RAPGEF5: variants seen among roughly 807,000 people sequenced by gnomAD.
The protein encoded by RAPGEF5 is M-Ras-regulated GEF.
A neutral mutation model predicts 125.2 loss-of-function variants in RAPGEF5; 65 were observed. That is an observed-to-expected ratio of 0.52 (90% confidence interval 0.43 to 0.64). The LOEUF (loss-of-function observed/expected upper bound fraction) is 0.64. Ranked by LOEUF, RAPGEF5 falls within the 30% of genes least tolerant of loss-of-function variation. RAPGEF5 has a pLI of 0.00. For missense variants in RAPGEF5, 958 were observed against 1,048.1 expected (o/e 0.91, Z 1.19); for synonymous variants, 391 against 385.9 (o/e 1.01, Z -0.16).
At chr7:22,292,066 C>T (rs1782948076) in intron 5 of RAPGEF5, among the ~76,000 whole-genome samples, 1 of 152,184 alleles carries the variant, frequency 6.6e-6, no homozygotes, top group African/African-American at 2.4e-5. Context: ...CACAAGCAAT[C>T]CCTTTCAATG....
intron 9 of RAPGEF5, among the ~76,000 whole-genome samples, chr7:22,211,481 T>C (rs1378034620): frequency 6.6e-6 from 1 of 152,208 alleles, no homozygotes; most frequent in Non-Finnish European, 1.5e-5. Context: ...GCAGTATATT[T>C]TAGGGAAAAG....
chr7:22,256,659 T>C (rs1786769047), intron 7 of RAPGEF5, among the ~76,000 whole-genome samples: 2 of 152,108 alleles, frequency 1.3e-5, no homozygotes, highest in Non-Finnish European at 2.9e-5. Flanking sequence ...CACTATGAGA[T>C]TTCTGGCTTT....
chr7:22,119,082 G>A lies in RAPGEF5; in HGVS notation c.*3324C>T, dbSNP rs1459827559. The A allele has an allele frequency of 6.6e-6, 1 of 152,200 alleles. No homozygotes were observed. Among genetic ancestry groups the A allele is most frequent in the Non-Finnish European group, 1.5e-5 (1 of 68,054 alleles). 9.4% of individuals were successfully genotyped at this position (152,200 alleles called of 1,614,324 possible). A position where few individuals can be genotyped will look rare whatever the true frequency, so the allele number is the denominator to read the frequency against. On this transcript the variant is annotated 3_prime_UTR_variant, in exon 26 of 26. Coordinates refer to ENST00000665637, the MANE Select transcript of RAPGEF5 (RefSeq NM_012294.5). This position sits in a 1 kb window ranked among gnomAD's most constrained non-coding sequence, Gnocchi z 4.1. ...AGCCTGGATTGGCTGCGCCATTTAGGAACATTCAGTTCCGGATCTGCGGTG... is the reference window on the plus strand; with the variant it reads ...AGCCTGGATTGGCTGCGCCATTTAGAAACATTCAGTTCCGGATCTGCGGTG...
intron 6 of RAPGEF5, among the ~76,000 whole-genome samples, chr7:22,282,130 T>C (rs1045237998): frequency 2.6e-5 from 4 of 152,350 alleles, no homozygotes; most frequent in South Asian, 4.1e-4. Flanking sequence ...AGCGGACCTA[T>C]TTTAAAACCG....
At chr7:22,209,045 T>G (rs1325590548) in intron 9 of RAPGEF5, among the ~76,000 whole-genome samples, 1 of 152,196 alleles carries the variant, frequency 6.6e-6, no homozygotes, top group Non-Finnish European at 1.5e-5. Context: ...GCCAAGATTA[T>G]GAGTAATACT....
intron 8 of RAPGEF5, among the ~76,000 whole-genome samples, chr7:22,221,613 T>C (rs911659856): frequency 1.3e-5 from 2 of 152,122 alleles, no homozygotes; most frequent in Non-Finnish European, 2.9e-5. Context: ...TCTCGTAGTA[T>C]TGAATAAGTC....
intron 10 of RAPGEF5, 103 bp from the exon 11 acceptor site, chr7:22,193,558 G>A (rs757506647): frequency 6.4e-7 from 1 of 1,551,774 alleles, no homozygotes; most frequent in South Asian, 1.2e-5. Context: ...TTTGAAATAA[G>A]GCACATCGAA....
chr7:22,299,468 C>A (rs1022805237), intron 5 of RAPGEF5, among the ~76,000 whole-genome samples: 10 of 152,218 alleles, frequency 6.6e-5, no homozygotes, highest in African/African-American at 2.4e-4. Context: ...ATTACATCTA[C>A]ATACACTGAA....
chr7:22,303,593 G>C (rs578076429), intron 5 of RAPGEF5, among the ~76,000 whole-genome samples: 4 of 152,266 alleles, frequency 2.6e-5, no homozygotes, highest in East Asian at 3.9e-4. Context: ...GCCTAATGTA[G>C]ATAGGCTCAC....
rs556793341 is a variant in RAPGEF5 at position 22,264,219 on chromosome 7, T to C, written c.796+2745A>G. Among the ~76,000 whole-genome samples the C allele has an allele frequency of 3.9e-5, 6 of 152,296 alleles. No individual in the cohort carries two copies. The South Asian group carries it at 1.2e-3, about 32-fold the overall frequency. On this transcript the variant is annotated intron_variant, in intron 7 of 25. Coordinates refer to ENST00000665637, the MANE Select transcript of RAPGEF5 (RefSeq NM_012294.5). ...TCTGATTATGTCCTACAGCCAGACC[T>C]CCAGTCATATAAACCTATTGGATTA...
At chr7:22,164,284 T>G (rs907699882) in intron 12 of RAPGEF5, among the ~76,000 whole-genome samples, 1 of 152,136 alleles carries the variant, frequency 6.6e-6, no homozygotes, top group Non-Finnish European at 1.5e-5. Context: ...CGAGCCATGA[T>G]CGAGCCACTC....
chr7:22,154,977 G>A (rs1783759457), intron 16 of RAPGEF5, among the ~76,000 whole-genome samples: 1 of 152,150 alleles, frequency 6.6e-6, no homozygotes, highest in African/African-American at 2.4e-5. Context: ...TCCCTTCTTT[G>A]ACAGTTGCTG....
At chr7:22,254,064 A>G (rs1786688514) in intron 7 of RAPGEF5, among the ~76,000 whole-genome samples, 1 of 152,214 alleles carries the variant, frequency 6.6e-6, no homozygotes, top group African/African-American at 2.4e-5. Flanking sequence ...ACAAAGCAAT[A>G]TGAATATCTT....
chr7:22,162,577 AT>A, intron 12 of RAPGEF5, 36 bp from the exon 13 acceptor site: 1 of 1,555,236 alleles, frequency 6.4e-7, no homozygotes, highest in South Asian at 1.1e-5. Flanking sequence ...ATTGTTGAAA[AT>A]TTTAAAATAT....
At chr7:22,307,722 A>C (rs1783375615) in intron 5 of RAPGEF5, among the ~76,000 whole-genome samples, 1 of 152,188 alleles carries the variant, frequency 6.6e-6, no homozygotes, top group Admixed American at 6.5e-5. Context: ...CTGGACACTG[A>C]AGTGTTCTGC....
At chr7:22,222,129 C>A (rs1017582841) in intron 8 of RAPGEF5, among the ~76,000 whole-genome samples, 1 of 152,074 alleles carries the variant, frequency 6.6e-6, no homozygotes, top group Non-Finnish European at 1.5e-5. Flanking sequence ...GCACTGTAAT[C>A]CTAGCTACTC....
intron 1 of RAPGEF5, among the ~76,000 whole-genome samples, chr7:22,351,113 A>G (rs1307521361): frequency 6.6e-6 from 1 of 152,184 alleles, no homozygotes; most frequent in African/African-American, 2.4e-5. Flanking sequence ...CTTATGACAC[A>G]TGGATGCTGT....
Position 22,118,339 on chromosome 7 carries a change from GT to G in RAPGEF5, c.*4066del, listed in dbSNP as rs912717698. ...ACATAGTCTCATATTTGGAAAAGCAGTTTTAAAAAAAAATTGAAAATACAAG... is the reference window on the plus strand; with the variant it reads ...ACATAGTCTCATATTTGGAAAAGCAGTTTAAAAAAAAATTGAAAATACAAG... On this transcript the variant is annotated 3_prime_UTR_variant, in exon 26 of 26. Transcript: ENST00000665637. 5.4e-5 allele frequency: 7 copies of G among 130,506 alleles called. No individual in the cohort carries two copies. Among genetic ancestry groups the G allele is most frequent in the African/African-American group, 2.1e-4 (7 of 33,154 alleles). The allele number at this position is 130,506 out of a possible 1,614,324, so 8.1% of individuals were successfully genotyped here. A position where few individuals can be genotyped will look rare whatever the true frequency, so the allele number is the denominator to read the frequency against.
At chr7:22,348,533 T>C (rs546864758) in intron 1 of RAPGEF5, among the ~76,000 whole-genome samples, 1 of 152,334 alleles carries the variant, frequency 6.6e-6, no homozygotes, top group African/African-American at 2.4e-5. Flanking sequence ...AATCTCCAAG[T>C]AGATGTGTAC....
Sources: allele counts gnomAD v4.1 joint callset (sites outside exome capture counted in the v4.1 genomes callset), GRCh38; gene constraint gnomAD v4.1.1; non-coding constraint Gnocchi (gnomAD v3.1); transcripts MANE v1.5; gene names NCBI Gene and HGNC (gene_info 2026-07-23, HGNC 2026-07-21).